The following DST variants were observed in gnomAD, a reference collection of about 807,000 sequenced individuals.
DST encodes dystonin, also known as bullous pemphigoid antigen.
Under a neutral mutation model 875.2 loss-of-function variants are expected in DST, and 253 were observed. The observed-to-expected ratio is 0.29, with a 90% CI of 0.26 to 0.32. The LOEUF is 0.32. DST is among the 10% of genes least tolerant of loss of function. The pLI, the probability that DST is intolerant of heterozygous loss-of-function variation, is 1.00. For missense variants in DST, 8,287 were observed against 9,111.6 expected (o/e 0.91, Z 3.68); for synonymous variants, 3,124 against 3,197.1 (o/e 0.98, Z 0.77).
At chr6:56,898,509 A>C (rs1433306737) in intron 3 of DST, among the ~76,000 whole-genome samples, 1 of 148,604 alleles carries the variant, frequency 6.7e-6, no homozygotes, top group African/African-American at 2.6e-5. Context: ...GAAGCAAAGA[A>C]TTAGCTAGAC....
chr6:56,592,469 C>A, intron 48 of DST, 111 bp from the exon 49 acceptor site: 1 of 903,768 alleles, frequency 1.1e-6, no homozygotes, highest in Non-Finnish European at 1.6e-6. Context: ...ACCAGACTTC[C>A]ACCAAAGTTA....
At chr6:56,508,489 C>T in intron 75 of DST, 40 bp downstream of exon 75, 1 of 1,506,612 alleles carries the variant, frequency 6.6e-7, no homozygotes, top group African/African-American at 1.4e-5. Context: ...CATTATGCCA[C>T]AACTTATTTT....
At position 56,552,414 on chromosome 6, in the gene DST, C is replaced by G; in HGVS notation, c.16378G>C (p.Val5460Leu). Reference protein sequence around the residue: ...LATEETSPDLVGIKRDLEALS... With the variant: ...LATEETSPDLLGIKRDLEALS... ...GCCTCCAAGTCCCTTTTGATTCCAA[C>G]AAGGTCAGGAGAGGTTTCTTCTGTG... The change falls in exon 61 of 104, where the codon GTT becomes CTT. Residue 5460 changes from valine (V) to leucine (L), a missense_variant. Transcript: ENST00000680361. 2.5e-6 allele frequency: 4 copies of G among 1,613,998 alleles called. No individual in the cohort carries two copies. Among genetic ancestry groups the G allele is most frequent in the Non-Finnish European group, 2.5e-6 (3 of 1,179,880 alleles).
At position 56,650,325 on chromosome 6, in the gene DST, C is replaced by CAAAAAAAAAA. The variant is rs70989721; in HGVS notation, c.1434+591_1434+600dup. Reference sequence around the variant, plus strand: ...ATAAGCACTTGTTAGCATAACCACCCAAAAAAAAAAAAAAAAAAAAAAAGC... The same window carrying CAAAAAAAAAA: ...ATAAGCACTTGTTAGCATAACCACCCAAAAAAAAAAAAAAAAAAAAAAAAAAAAAAAAAGC... On this transcript the variant is annotated intron_variant, in intron 12 of 103. Coordinates refer to ENST00000680361, the MANE Select transcript of DST (RefSeq NM_001374736.1). Among the ~76,000 whole-genome samples the CAAAAAAAAAA allele has an allele frequency of 1.0e-4, 5 of 48,682 alleles. 1 individual carries two copies. Among genetic ancestry groups the CAAAAAAAAAA allele is most frequent in the African/African-American group, 3.9e-4 (5 of 12,754 alleles). 31.9% of individuals were successfully genotyped at this position (48,682 alleles called of 152,430 possible).
chr6:56,953,931 T>A (rs769181352), intron 1 of DST, 112 bp from the exon 2 acceptor site: 5 of 599,058 alleles, frequency 8.3e-6, no homozygotes, highest in Non-Finnish European at 1.3e-5. Flanking sequence ...CGCAGACTCC[T>A]GGAATTCGGT....
At chr6:56,821,995 G>A (rs1012128713) in intron 4 of DST, among the ~76,000 whole-genome samples, 1 of 151,806 alleles carries the variant, frequency 6.6e-6, no homozygotes, top group Admixed American at 6.6e-5. Flanking sequence ...AGAGAGATGT[G>A]GATAGAGAGT....
At chr6:56,569,206 T>A (rs1271572476) in intron 54 of DST, among the ~76,000 whole-genome samples, 1 of 151,158 alleles carries the variant, frequency 6.6e-6, no homozygotes, top group African/African-American at 2.4e-5. Flanking sequence ...CCACCTGTAG[T>A]CCCAGCTACT....
At chr6:56,919,201 T>C (rs1321254915) in intron 2 of DST, among the ~76,000 whole-genome samples, 1 of 152,162 alleles carries the variant, frequency 6.6e-6, no homozygotes, top group Admixed American at 6.5e-5. Flanking sequence ...AGAATTCTTT[T>C]ATTCAAAACT....
At chr6:56,467,615 C>T (rs1562181131) in intron 98 of DST, 2 of 151,942 alleles carry the variant, frequency 1.3e-5, no homozygotes, top group African/African-American at 4.8e-5. Context: ...CCTTAAGGAA[C>T]CAGATAATGG....
chr6:56,795,342 A>G (rs2099737882), intron 4 of DST, among the ~76,000 whole-genome samples: 2 of 152,140 alleles, frequency 1.3e-5, no homozygotes, highest in Non-Finnish European at 2.9e-5. Context: ...ACAGAAAATC[A>G]GAGAGACAAG....
rs148761789 is a variant in DST at position 56,634,402 on chromosome 6, C to T, written c.3494+60G>A. Reference sequence around the variant, plus strand: ...GGGCCTTGACAAAGTATTGATTGTTCCTTCAACCTTCAGAGGGCCCCCAAA... The same window carrying T: ...GGGCCTTGACAAAGTATTGATTGTTTCTTCAACCTTCAGAGGGCCCCCAAA... On this transcript the variant is annotated intron_variant, in intron 26 of 103. Transcript: ENST00000680361. The T allele has an allele frequency of 1.0e-3, 1,643 of 1,608,886 alleles. 8 individuals carry two copies. The African/African-American group carries it at 0.02, about 19-fold the overall frequency.
rs534993919 is a variant in DST at position 56,751,750 on chromosome 6, AT to A, written c.626-16462del. On this transcript the variant is annotated intron_variant, in intron 4 of 103. Transcript: ENST00000680361. ...TACGAAATTAAACTTAGAAACTAAAATTTTTTTCCATAATGAAGTAATTTCA... is the reference window on the plus strand; with the variant it reads ...TACGAAATTAAACTTAGAAACTAAAATTTTTTCCATAATGAAGTAATTTCA... 2.8e-3 allele frequency among the ~76,000 whole-genome samples: 426 copies of A among 152,130 alleles called. 3 individuals are homozygous for A. Among genetic ancestry groups the A allele is most frequent in the Non-Finnish European group, 3.4e-3 (232 of 68,036 alleles).
intron 36 of DST, chr6:56,614,727 T>C (rs1435422013): frequency 1.2e-5 from 13 of 1,119,918 alleles, no homozygotes; most frequent in Non-Finnish European, 1.4e-5. Context: ...ACCTCCCAGC[T>C]GTTCCATCAA....
intron 4 of DST, among the ~76,000 whole-genome samples, chr6:56,820,992 C>A (rs1051653217): frequency 1.3e-5 from 2 of 152,160 alleles, no homozygotes; most frequent in Admixed American, 1.3e-4. Flanking sequence ...CAAGGCCCAA[C>A]AGATTCAGTA....
chr6:56,873,296 G>A (rs555201652), intron 3 of DST, among the ~76,000 whole-genome samples: 1 of 152,216 alleles, frequency 6.6e-6, no homozygotes, highest in African/African-American at 2.4e-5. Context: ...TCTGTGGGCT[G>A]TCTCTTCTCT....
At chr6:56,673,389 A>T (rs1002247081) in intron 9 of DST, among the ~76,000 whole-genome samples, 1 of 152,252 alleles carries the variant, frequency 6.6e-6, no homozygotes, top group Non-Finnish European at 1.5e-5. Context: ...CCTAGATAGT[A>T]TGTATAATGA....
At chr6:56,782,660 C>T (rs1462741642) in intron 4 of DST, among the ~76,000 whole-genome samples, 1 of 151,822 alleles carries the variant, frequency 6.6e-6, no homozygotes, top group Non-Finnish European at 1.5e-5. Flanking sequence ...TTTGTTGATC[C>T]TTTCAAAAAA....
intron 15 of DST, among the ~76,000 whole-genome samples, chr6:56,643,451 A>G (rs943035232): frequency 2.6e-5 from 4 of 152,150 alleles, no homozygotes; most frequent in African/African-American, 9.7e-5. Context: ...TTCTAAACCT[A>G]CTATAAAGTG....
intron 61 of DST, among the ~76,000 whole-genome samples, chr6:56,544,534 A>G (rs1343649565): frequency 6.6e-6 from 1 of 152,200 alleles, no homozygotes; most frequent in African/African-American, 2.4e-5. Flanking sequence ...AATAGCACTC[A>G]CTGTCTGCCA....
Sources: gnomAD v4.1 joint callset for allele counts (sites outside exome capture counted in the v4.1 genomes callset) on GRCh38, gnomAD v4.1.1 for gene constraint, MANE v1.5 for transcripts, NCBI Gene and HGNC (gene_info 2026-07-23, HGNC 2026-07-21) for gene names.